Variants in ELK3 observed in about 807,000 individuals in gnomAD.
ELK3 encodes ETS domain-containing protein Elk-3.
In ELK3, 10 loss-of-function variants were observed where a neutral mutation model predicts 28.9. That is an observed-to-expected ratio of 0.35 (90% CI 0.21 to 0.59). The LOEUF is 0.59. Ranked by LOEUF, ELK3 falls within the 20% of genes least tolerant of loss-of-function variation. The pLI is 0.82. For synonymous variants in ELK3, 272 were observed against 243.5 expected, an observed-to-expected ratio of 1.12 and a Z score of -1.09; for missense variants, 463 against 517.3, an observed-to-expected ratio of 0.90 and a Z score of 1.02.
At chr12:96,214,390 C>T (rs1565779321) in intron 1 of ELK3, among the ~76,000 whole-genome samples, 2 of 151,830 alleles carry the variant, frequency 1.3e-5, no homozygotes, top group Non-Finnish European at 2.9e-5. Flanking sequence ...GAGATCACAC[C>T]ACTGTGCTCC....
At chr12:96,238,793 A>G (rs1951800750) in intron 2 of ELK3, among the ~76,000 whole-genome samples, 1 of 152,218 alleles carries the variant, frequency 6.6e-6, no homozygotes. Context: ...GCTAGAAATA[A>G]CTGTTCTCAA....
intron 2 of ELK3, among the ~76,000 whole-genome samples, chr12:96,230,730 C>T (rs1055215956): frequency 2.0e-5 from 3 of 152,152 alleles, no homozygotes; most frequent in East Asian, 1.9e-4. Flanking sequence ...GCGCCAATCC[C>T]GGATTGGCAG....
chr12:96,249,225 A>C (rs1356322224), intron 3 of ELK3, among the ~76,000 whole-genome samples: 1 of 152,190 alleles, frequency 6.6e-6, no homozygotes, highest in Non-Finnish European at 1.5e-5. Context: ...AATGAAATGC[A>C]TTCCCGCTGC....
intron 1 of ELK3, among the ~76,000 whole-genome samples, chr12:96,196,105 GTAATGTCTGCACACA>G (rs1951464305): frequency 6.6e-6 from 1 of 152,198 alleles, no homozygotes; most frequent in Non-Finnish European, 1.5e-5. Context: ...TCATTGCTAA[GTAATGTCTGCACACA>G]CACCAACTAA....
intron 1 of ELK3, among the ~76,000 whole-genome samples, chr12:96,209,480 G>T (rs1329435671): frequency 6.6e-6 from 1 of 152,194 alleles, no homozygotes; most frequent in Non-Finnish European, 1.5e-5. Flanking sequence ...ATGCAAAAAG[G>T]TTCTCATTGC....
intron 1 of ELK3, among the ~76,000 whole-genome samples, chr12:96,195,992 T>C (rs1951463215): frequency 6.6e-6 from 1 of 151,852 alleles, no homozygotes; most frequent in Non-Finnish European, 1.5e-5. Flanking sequence ...TGAGTTGTTT[T>C]TGGAGTTGGC....
At chr12:96,230,194 GT>G (rs1337441978) in intron 2 of ELK3, among the ~76,000 whole-genome samples, 2 of 152,120 alleles carry the variant, frequency 1.3e-5, no homozygotes, top group African/African-American at 4.8e-5. Flanking sequence ...GTACAGTAAC[GT>G]GCTGTACAGG....
intron 2 of ELK3, among the ~76,000 whole-genome samples, chr12:96,230,405 T>C (rs933358320): frequency 6.6e-6 from 1 of 152,192 alleles, no homozygotes; most frequent in African/African-American, 2.4e-5. Flanking sequence ...TTTAAAATTA[T>C]ACTTAAAAGG....
intron 2 of ELK3, among the ~76,000 whole-genome samples, chr12:96,242,392 A>T (rs1951827502): frequency 6.6e-6 from 1 of 152,196 alleles, no homozygotes; most frequent in African/African-American, 2.4e-5. Context: ...ATTCTCTAAG[A>T]GGATTGAGTG....
intron 2 of ELK3, among the ~76,000 whole-genome samples, chr12:96,226,725 T>C (rs1389608983): frequency 6.6e-6 from 1 of 150,754 alleles, no homozygotes; most frequent in Non-Finnish European, 1.5e-5. Flanking sequence ...CACGCATGGC[T>C]GGTTAATTCT....
At chr12:96,197,121 T>G (rs1483959213) in intron 1 of ELK3, among the ~76,000 whole-genome samples, 3 of 152,192 alleles carry the variant, frequency 2.0e-5, no homozygotes, top group Non-Finnish European at 4.4e-5. Context: ...GGTTGTAAAC[T>G]CTCTCCAGAG....
intron 3 of ELK3, among the ~76,000 whole-genome samples, chr12:96,253,195 G>C (rs1951921008): frequency 6.6e-6 from 1 of 152,198 alleles, no homozygotes; most frequent in Non-Finnish European, 1.5e-5. Flanking sequence ...GGGAGGTGGA[G>C]GTTGTGATGA....
rs150771847 is a variant in ELK3, at chr12:96,260,161, T to C, written c.1125+308T>C. Among the ~76,000 whole-genome samples, 327 of 152,202 alleles carry C rather than the reference T, an allele frequency of 2.1e-3. 7 individuals are homozygous for C. Among genetic ancestry groups the C allele is most frequent in the Admixed American group, 0.019 (297 of 15,280 alleles). On this transcript the variant is annotated intron_variant, in intron 4 of 4. Coordinates refer to ENST00000228741, the MANE Select transcript of ELK3 (RefSeq NM_005230.4). ...AGGCAAAACTTTAAGAATTATTCTT[T>C]AGGCCAGTGTGATGGCTCACACCTG...
chr12:96,234,119 C>G (rs1388672863), intron 2 of ELK3, among the ~76,000 whole-genome samples: 1 of 152,186 alleles, frequency 6.6e-6, no homozygotes, highest in Non-Finnish European at 1.5e-5. Context: ...ATCAGGGGAC[C>G]AGGCTGCTGG....
intron 2 of ELK3, among the ~76,000 whole-genome samples, chr12:96,237,749 G>T (rs187347084): frequency 5.3e-4 from 80 of 152,356 alleles, no homozygotes; most frequent in Non-Finnish European, 9.6e-4. Flanking sequence ...CCTGTGAATA[G>T]CCACTGCATT....
At chr12:96,234,955 G>GC in intron 2 of ELK3, among the ~76,000 whole-genome samples, 2 of 152,256 alleles carry the variant, frequency 1.3e-5, no homozygotes, top group East Asian at 1.9e-4. Flanking sequence ...GGAGAGACAG[G>GC]CCCCCGGTAT....
rs527624279 is a variant in ELK3 at position 96,218,894 on chromosome 12, C to T, written c.-2-4671C>T. ...CGATCTCCTGACCTTGTGATCCGCC[C>T]GCCTCGGCCTCGCAAAGTGCTGGGA... On this transcript the variant is annotated intron_variant, in intron 1 of 4. Coordinates refer to ENST00000228741, the MANE Select transcript of ELK3 (RefSeq NM_005230.4). Among the ~76,000 whole-genome samples, 497 of 152,212 alleles carry T rather than the reference C, an allele frequency of 3.3e-3. 1 individual carries two copies. The highest frequency in any genetic ancestry group is 0.012 in the African/African-American group (478 of 41,540).
rs1952041931 is a variant in ELK3, at chr12:96,267,299, T to C, written c.*119T>C. 1 of 769,148 alleles carries C rather than the reference T, an allele frequency of 1.3e-6. No individual in the cohort carries two copies. Among genetic ancestry groups the C allele is most frequent in the African/African-American group, 1.8e-5 (1 of 56,902 alleles). The allele number at this position is 769,148 out of a possible 1,614,324, so 47.6% of individuals were successfully genotyped here. A position where few individuals can be genotyped will look rare whatever the true frequency, so the allele number is the denominator to read the frequency against. ...ACTCTTGTTAATTTGGTTTGCACTT[T>C]TCATAACATGGATAGTCTAGATTTA... is the stretch of plus-strand genomic sequence containing the variant. On this transcript the variant is annotated 3_prime_UTR_variant, in exon 5 of 5. Coordinates refer to ENST00000228741, the MANE Select transcript of ELK3 (RefSeq NM_005230.4).
At chr12:96,242,400 G>C (rs1226391189) in intron 2 of ELK3, among the ~76,000 whole-genome samples, 2 of 152,232 alleles carry the variant, frequency 1.3e-5, no homozygotes, top group Non-Finnish European at 2.9e-5. Flanking sequence ...AGAGGATTGA[G>C]TGAGTTGATG....
Sources: allele counts gnomAD v4.1 joint callset (sites outside exome capture counted in the v4.1 genomes callset), GRCh38; gene constraint gnomAD v4.1.1; transcripts MANE v1.5; gene names NCBI Gene and HGNC (gene_info 2026-07-23, HGNC 2026-07-21).